HTR4: variants seen among roughly 807,000 people sequenced by gnomAD.
The protein encoded by HTR4 is 5-hydroxytryptamine receptor 4, also known as 5-hydroxytryptamine (serotonin) receptor 4, G protein-coupled.
A neutral mutation model predicts 36.8 loss-of-function variants in HTR4; 16 were observed. The observed-to-expected ratio is 0.43, with a 90% CI of 0.29 to 0.66. The LOEUF (loss-of-function observed/expected upper bound fraction) is 0.66, where lower values mean the gene tolerates loss of function less well. HTR4 is among the 30% of genes least tolerant of loss of function. The probability of loss-of-function intolerance (pLI) is 0.13; values close to 1 mark genes in which losing one functional copy is unlikely to be tolerated. For synonymous variants in HTR4, 189 were observed against 185.1 expected (o/e 1.02, Z -0.17); for missense variants, 438 against 490.9 (o/e 0.89, Z 1.02).
intron 2 of HTR4, 129 bp from the exon 3 acceptor site, chr5:148,550,391 G>C: frequency 9.7e-7 from 1 of 1,026,384 alleles, no homozygotes; most frequent in Middle Eastern, 2.1e-4. Flanking sequence ...TATTTATCAT[G>C]CGTTTAATGT....
At position 148,548,828 on chromosome 5, in the gene HTR4, C is replaced by T; in HGVS notation, c.193G>A (p.Ala65Thr). Residue 65 changes from alanine to threonine, a missense_variant, in exon 4 of 7, where the codon GCG (alanine) becomes ACG (threonine). Coordinates refer to ENST00000377888, the MANE Select transcript of HTR4 (RefSeq NM_000870.7). ...TNYFIVSLAF[A>T]DLLVSVLVMP... ...ACCAGCACCGAAACCAGCAGATCCG[C>T]AAAAGCAAGAGATACAATGAAATAA... The T allele has an allele frequency of 6.2e-7, 1 of 1,613,362 alleles. No homozygotes were observed. The highest frequency in any genetic ancestry group is 1.6e-4 in the Middle Eastern group (1 of 6,062).
At chr5:148,529,653 G>T (rs1758458395) in intron 4 of HTR4, among the ~76,000 whole-genome samples, 1 of 152,208 alleles carries the variant, frequency 6.6e-6, no homozygotes, top group Non-Finnish European at 1.5e-5. Flanking sequence ...ACCAGGAGTG[G>T]GGTGCTGATG....
At chr5:148,491,434 A>G (rs1262083883) in intron 6 of HTR4, among the ~76,000 whole-genome samples, 1 of 152,062 alleles carries the variant, frequency 6.6e-6, no homozygotes, top group African/African-American at 2.4e-5. Context: ...TGTCCTTGGC[A>G]GTGGCAAGGA....
At chr5:148,462,880 TCA>T in intron 5 of HTR4, among the ~76,000 whole-genome samples, 2 of 152,100 alleles carry the variant, frequency 1.3e-5, no homozygotes, top group East Asian at 3.9e-4. Flanking sequence ...AAGTAATCCA[TCA>T]TATCAATAGG....
chr5:148,470,871 T>C (rs1384780540), intron 5 of HTR4, among the ~76,000 whole-genome samples: 3 of 152,132 alleles, frequency 2.0e-5, no homozygotes, highest in Non-Finnish European at 4.4e-5. Context: ...GTATTTTTAG[T>C]AGAGACGGGG....
rs542812997 is a variant in HTR4 at position 148,561,671 on chromosome 5, G to A, written c.27-11409C>T. Among the ~76,000 whole-genome samples, 15 of 151,948 alleles carry A rather than the reference G, an allele frequency of 9.9e-5. No individual in the cohort carries two copies. The East Asian group carries it at 2.9e-3, about 29-fold the overall frequency. ...ACTTGTTAAGGAATACACTCACCAG[G>A]CACAGAAATGTCTTCCTTTGGGGTA... On this transcript the variant is annotated intron_variant, in intron 2 of 6. Transcript: ENST00000377888.
intron 6 of HTR4, chr5:148,490,752 T>G: frequency 8.0e-7 from 1 of 1,252,030 alleles, no homozygotes. Flanking sequence ...CATTTTGTGC[T>G]GAAATACATG....
At chr5:148,528,037 A>G (rs1217196698) in intron 4 of HTR4, among the ~76,000 whole-genome samples, 1 of 152,212 alleles carries the variant, frequency 6.6e-6, no homozygotes, top group African/African-American at 2.4e-5. Context: ...GCCCAAACAC[A>G]GATGTAGAAA....
chr5:148,531,967 G>T (rs1338894725), intron 4 of HTR4, among the ~76,000 whole-genome samples: 1 of 152,140 alleles, frequency 6.6e-6, no homozygotes, highest in Non-Finnish European at 1.5e-5. Context: ...GTGGGTAGAG[G>T]TCAGGAATGC....
intron 6 of HTR4, among the ~76,000 whole-genome samples, chr5:148,504,944 G>A (rs1371000659): frequency 6.6e-6 from 1 of 152,140 alleles, no homozygotes; most frequent in East Asian, 1.9e-4. Flanking sequence ...ACTAAACCAG[G>A]AAGAAGTTGA....
intron 2 of HTR4, among the ~76,000 whole-genome samples, chr5:148,571,738 C>A (rs1347248769): frequency 6.6e-6 from 1 of 151,880 alleles, no homozygotes; most frequent in African/African-American, 2.4e-5. Flanking sequence ...TGGATGCATG[C>A]AGTTAAAGAA....
At chr5:148,479,309 T>G (rs765974648), downstream of HTR4, among the ~76,000 whole-genome samples, 55 of 152,144 alleles carry the variant, frequency 3.6e-4, no homozygotes, top group Non-Finnish European at 2.2e-4. Flanking sequence ...CAGAAAATTC[T>G]CTAGCTTCAA....
intron 6 of HTR4, among the ~76,000 whole-genome samples, chr5:148,500,678 G>A (rs539460824): frequency 2.8e-4 from 43 of 151,852 alleles, no homozygotes; most frequent in African/African-American, 9.7e-4. Flanking sequence ...ATACAACAAA[G>A]TTGTCACAAA....
intron 2 of HTR4, among the ~76,000 whole-genome samples, chr5:148,587,581 T>G (rs896443248): frequency 2.0e-4 from 30 of 152,188 alleles, no homozygotes; most frequent in Non-Finnish European, 4.1e-4. Context: ...GAAGGTAGGA[T>G]ACTTGCTCCT....
intron 6 of HTR4, among the ~76,000 whole-genome samples, chr5:148,494,904 C>T (rs923098898): frequency 5.3e-5 from 8 of 152,198 alleles, no homozygotes; most frequent in African/African-American, 1.9e-4. Context: ...TTGGACAACA[C>T]AGATCTAGAG....
intron 2 of HTR4, among the ~76,000 whole-genome samples, chr5:148,561,998 C>T (rs1488757443): frequency 6.6e-6 from 1 of 152,206 alleles, no homozygotes; most frequent in Non-Finnish European, 1.5e-5. Flanking sequence ...GGTTTCTCTT[C>T]TTACTTCTGC....
intron 2 of HTR4, among the ~76,000 whole-genome samples, chr5:148,557,907 T>A (rs1465044841): frequency 6.6e-6 from 1 of 151,766 alleles, no homozygotes; most frequent in Non-Finnish European, 1.5e-5. Context: ...CTCTTTATAT[T>A]TTTATGTATC....
intron 5 of HTR4, among the ~76,000 whole-genome samples, chr5:148,457,745 T>C (rs983401082): frequency 2.4e-4 from 35 of 145,370 alleles, no homozygotes; most frequent in Non-Finnish European, 5.3e-4. Context: ...TTTTGGTATA[T>C]CATTAAAATA....
Position 148,549,025 on chromosome 5 carries a change from T to C in HTR4, c.153-157A>G, listed in dbSNP as rs118011200. 2.4e-3 allele frequency among the ~76,000 whole-genome samples: 364 copies of C among 152,088 alleles called. 12 individuals are homozygous for C. In the East Asian group the frequency reaches 0.04, roughly 17 times the overall value. ...GAAAGAAAAAGTCACATGCTTAGTG[T>C]ATTCCGTGAGATTCAATTTCCCCTT... On this transcript the variant is annotated intron_variant, in intron 3 of 6. Coordinates refer to ENST00000377888, the MANE Select transcript of HTR4 (RefSeq NM_000870.7).
Sources: gnomAD v4.1 joint callset for allele counts (sites outside exome capture counted in the v4.1 genomes callset) on GRCh38, gnomAD v4.1.1 for gene constraint, MANE v1.5 for transcripts, NCBI Gene and HGNC (gene_info 2026-07-23, HGNC 2026-07-21) for gene names.